The following EHHADH variants were observed in gnomAD, a reference collection of about 807,000 sequenced individuals.
The protein encoded by EHHADH is enoyl-CoA hydratase and 3-hydroxyacyl CoA dehydrogenase.
Under a neutral mutation model 64.4 loss-of-function variants are expected in EHHADH, and 48 were observed. The ratio of observed to expected loss-of-function variants is 0.75; its 90% CI spans 0.59 to 0.95. The LOEUF (loss-of-function observed/expected upper bound fraction) is 0.95, where lower values mean the gene tolerates loss of function less well. EHHADH is among the 40% of genes least tolerant of loss of function. The pLI is 0.00. For synonymous variants in EHHADH, 308 were observed against 326.7 expected, an observed-to-expected ratio of 0.94 and a Z score of 0.62; for missense variants, 854 against 876.6, an observed-to-expected ratio of 0.97 and a Z score of 0.33.
chr3:185,249,174 G>A (rs764010587), intron 1 of EHHADH, among the ~76,000 whole-genome samples: 2 of 151,948 alleles, frequency 1.3e-5, no homozygotes, highest in Non-Finnish European at 2.9e-5. Flanking sequence ...TGTCACCCAG[G>A]CTGGAGTGCA....
chr3:185,233,336 C>T (rs1719190710), intron 3 of EHHADH, among the ~76,000 whole-genome samples: 1 of 151,884 alleles, frequency 6.6e-6, no homozygotes, highest in Admixed American at 6.6e-5. Flanking sequence ...AGTTAACCAC[C>T]ATTAAGAAAA....
chr3:185,244,957 T>C (rs1038053070), intron 2 of EHHADH, among the ~76,000 whole-genome samples: 1 of 152,230 alleles, frequency 6.6e-6, no homozygotes, highest in Non-Finnish European at 1.5e-5. Flanking sequence ...CTGAAATGTT[T>C]ATGTAAAATT....
At chr3:185,247,756 G>C (rs531136129) in intron 2 of EHHADH, among the ~76,000 whole-genome samples, 2 of 152,242 alleles carry the variant, frequency 1.3e-5, no homozygotes, top group East Asian at 3.9e-4. Flanking sequence ...TTTTGTCAAA[G>C]GGTATAATGT....
chr3:185,237,780 G>A lies in EHHADH; in HGVS notation c.179-2318C>T, dbSNP rs564499564. 2.0e-5 allele frequency among the ~76,000 whole-genome samples: 3 copies of A among 152,178 alleles called. No individual in the cohort carries two copies. The South Asian group carries it at 6.2e-4, about 32-fold the overall frequency. On this transcript the variant is annotated intron_variant, in intron 2 of 6. Transcript: ENST00000231887. Reference sequence around the variant, plus strand: ...TTTAAAATTATTTTTATAGATTCGGGGGGTACATGTACAGGTTTGTTACAC... The same window carrying A: ...TTTAAAATTATTTTTATAGATTCGGAGGGTACATGTACAGGTTTGTTACAC...
chr3:185,204,336 G>C (rs550345296), intron 6 of EHHADH, 80 bp downstream of exon 6: 3 of 1,290,398 alleles, frequency 2.3e-6, no homozygotes, highest in Non-Finnish European at 3.2e-6. Context: ...GTGAAACCTA[G>C]CATCCGGTAG....
intron 3 of EHHADH, among the ~76,000 whole-genome samples, chr3:185,230,020 T>G (rs148681865): frequency 1.1e-4 from 17 of 152,308 alleles, no homozygotes; most frequent in South Asian, 2.1e-4. Context: ...ACGATCTGGA[T>G]AGACATTCCT....
intron 5 of EHHADH, among the ~76,000 whole-genome samples, chr3:185,210,695 G>A (rs1460341777): frequency 6.6e-6 from 1 of 151,538 alleles, no homozygotes; most frequent in East Asian, 1.9e-4. Flanking sequence ...TTCTTGAAAA[G>A]TTCAGAAGCT....
chr3:185,225,554 C>T (rs180695342), intron 4 of EHHADH, among the ~76,000 whole-genome samples: 1 of 152,244 alleles, frequency 6.6e-6, no homozygotes, highest in Admixed American at 6.5e-5. Flanking sequence ...ATATTTTCAA[C>T]AGCCAGAGTG....
At chr3:185,199,490 C>A (rs75619691) in intron 6 of EHHADH, among the ~76,000 whole-genome samples, 4,564 of 152,268 alleles carry the variant, frequency 0.03, 212 homozygotes, top group African/African-American at 0.1. Flanking sequence ...GACTCTGAGG[C>A]CTTGCAGGAG....
rs537314270 is a variant in EHHADH, at chr3:185,222,291, G to A, written c.464-4051C>T. ...CCAGCTACTTGGGAGGCTGAAGCAG[G>A]ATAACTACTTGAACCTGGGAGGCGG... On this transcript the variant is annotated intron_variant, in intron 4 of 6. Transcript: ENST00000231887. 4.9e-4 allele frequency among the ~76,000 whole-genome samples: 75 copies of A among 152,254 alleles called. 1 individual carries two copies. The highest frequency in any genetic ancestry group is 9.2e-4 in the Admixed American group (14 of 15,288).
intron 6 of EHHADH, among the ~76,000 whole-genome samples, chr3:185,195,795 CG>C (rs1718042947): frequency 6.6e-6 from 1 of 152,096 alleles, no homozygotes; most frequent in Admixed American, 6.5e-5. Context: ...TGAGGGAAGA[CG>C]GAAGAGTTGA....
chr3:185,242,104 C>T (rs1448608857), intron 2 of EHHADH, among the ~76,000 whole-genome samples: 1 of 151,940 alleles, frequency 6.6e-6, no homozygotes, highest in African/African-American at 2.4e-5. Context: ...ATAAAATAAA[C>T]TATTTAGGAA....
rs1718691011 is a variant in EHHADH at position 185,216,807 on chromosome 3, C to A, written c.568+1329G>T. ...AGCGGGAGACCAGCACTCTGTTCTG[C>A]CTGTAACGCAATACTCTTCCCAATT... On this transcript the variant is annotated intron_variant, in intron 5 of 6. Transcript: ENST00000231887. This position sits in a 1 kb window ranked among gnomAD's most constrained non-coding sequence, Gnocchi z 5.3. Among the ~76,000 whole-genome samples, 2 of 151,978 alleles carry A rather than the reference C, an allele frequency of 1.3e-5. No individual in the cohort carries two copies. Among genetic ancestry groups the A allele is most frequent in the Non-Finnish European group, 2.9e-5 (2 of 68,030 alleles).
Position 185,242,422 on chromosome 3 carries a change from A to G in EHHADH, c.178+5992T>C, listed in dbSNP as rs563097002. On this transcript the variant is annotated intron_variant, in intron 2 of 6. Coordinates refer to ENST00000231887, the MANE Select transcript of EHHADH (RefSeq NM_001966.4). ...ACACTACCTGATTTCAAACTATACTATAAGGCCATAGTCACCAAAACAGCA... is the reference window on the plus strand; with the variant it reads ...ACACTACCTGATTTCAAACTATACTGTAAGGCCATAGTCACCAAAACAGCA... Among the ~76,000 whole-genome samples the G allele has an allele frequency of 1.8e-4, 28 of 152,330 alleles. No individual in the cohort carries two copies. The East Asian group carries it at 5.0e-3, about 27-fold the overall frequency.
At chr3:185,219,965 T>G (rs923444307) in intron 4 of EHHADH, among the ~76,000 whole-genome samples, 6 of 152,010 alleles carry the variant, frequency 3.9e-5, no homozygotes, top group Admixed American at 3.3e-4. Context: ...CCTTCTGGAG[T>G]AAGGAGTAGG....
intron 2 of EHHADH, among the ~76,000 whole-genome samples, chr3:185,239,417 A>G (rs1311122417): frequency 6.6e-6 from 1 of 152,168 alleles, no homozygotes; most frequent in Non-Finnish European, 1.5e-5. Flanking sequence ...ATGCATGAGC[A>G]TGGATGTTTT....
intron 1 of EHHADH, among the ~76,000 whole-genome samples, chr3:185,250,466 G>T (rs1459157562): frequency 2.0e-5 from 3 of 148,590 alleles, no homozygotes; most frequent in Non-Finnish European, 4.5e-5. Flanking sequence ...AGCAATAAGA[G>T]AATCTAGGGC....
At position 185,192,346 on chromosome 3, in the gene EHHADH, C is replaced by T. The variant is rs1577350430; in HGVS notation, c.2052G>A (p.Arg684=). ...TVLEKLQKYY[R]QNPDIPQLEP... ...CCAGTTGGGGAATATCAGGGTTCTG[C>T]CTGTAATATTTCTGCAATTTCTCTA... The change falls in exon 7 of 7, where the codon AGG becomes AGA. Residue 684 remains arginine, a synonymous_variant. Coordinates refer to ENST00000231887, the MANE Select transcript of EHHADH (RefSeq NM_001966.4). 1 of 1,614,104 alleles carries T rather than the reference C, an allele frequency of 6.2e-7. No individual in the cohort carries two copies. The highest frequency in any genetic ancestry group is 8.5e-7 in the Non-Finnish European group (1 of 1,180,022).
chr3:185,247,538 C>T (rs1719627308), intron 2 of EHHADH, among the ~76,000 whole-genome samples: 2 of 151,850 alleles, frequency 1.3e-5, no homozygotes, highest in South Asian at 4.1e-4. Flanking sequence ...TTTAAAAATA[C>T]TATTATTTTT....
Sources: gnomAD v4.1 joint callset for allele counts (sites outside exome capture counted in the v4.1 genomes callset) on GRCh38, gnomAD v4.1.1 for gene constraint, Gnocchi (gnomAD v3.1) non-coding constraint, MANE v1.5 for transcripts, NCBI Gene and HGNC (gene_info 2026-07-23, HGNC 2026-07-21) for gene names.